CDH18: variants seen among roughly 807,000 people sequenced by gnomAD.
CDH18 encodes cadherin 18.
CDH18 carries 31 observed loss-of-function variants against 67.9 expected under a neutral mutation model. The observed-to-expected ratio is 0.46, with a 90% CI of 0.34 to 0.62. The LOEUF is 0.62. Ranked by LOEUF, CDH18 falls within the 20% of genes least tolerant of loss-of-function variation. CDH18 has a pLI of 0.01. For missense variants in CDH18, 890 were observed against 975.5 expected (o/e 0.91, Z 1.17); for synonymous variants, 362 against 347.2 (o/e 1.04, Z -0.48).
chr5:19,662,839 A>C (rs1400263068), intron 5 of CDH18, among the ~76,000 whole-genome samples: 1 of 152,066 alleles, frequency 6.6e-6, no homozygotes, highest in Non-Finnish European at 1.5e-5. Flanking sequence ...AACAAATAAA[A>C]TACTACGTAC....
At chr5:19,530,215 G>A (rs1400019325) in intron 9 of CDH18, among the ~76,000 whole-genome samples, 1 of 151,992 alleles carries the variant, frequency 6.6e-6, no homozygotes, top group Non-Finnish European at 1.5e-5. Flanking sequence ...TGGATCCATT[G>A]TAAATTCATA....
At chr5:19,666,094 G>A (rs570726627) in intron 5 of CDH18, among the ~76,000 whole-genome samples, 1 of 151,412 alleles carries the variant, frequency 6.6e-6, no homozygotes, top group Admixed American at 6.6e-5. Context: ...TTTTGACACA[G>A]GGTCTTGCTC....
At chr5:19,617,384 A>G (rs533874335) in intron 5 of CDH18, among the ~76,000 whole-genome samples, 1 of 152,272 alleles carries the variant, frequency 6.6e-6, no homozygotes, top group East Asian at 1.9e-4. Flanking sequence ...TGTATCCAGT[A>G]TTTGCAAAAT....
At chr5:20,436,236 C>T (rs183449096) in intron 1 of CDH18, among the ~76,000 whole-genome samples, 98 of 152,008 alleles carry the variant, frequency 6.4e-4, no homozygotes, top group South Asian at 1.7e-3. Flanking sequence ...TTGCCAGAAA[C>T]AGTTGTTGTT....
intron 1 of CDH18, among the ~76,000 whole-genome samples, chr5:20,333,989 G>A (rs1739447085): frequency 6.6e-6 from 1 of 151,972 alleles, no homozygotes; most frequent in South Asian, 2.1e-4. Context: ...AAAGATAAAC[G>A]TTTGGGGTCA....
At chr5:20,318,323 TA>T (rs1275265224) in intron 1 of CDH18, among the ~76,000 whole-genome samples, 1 of 152,118 alleles carries the variant, frequency 6.6e-6, no homozygotes, top group Non-Finnish European at 1.5e-5. Context: ...CACTAGTGTG[TA>T]AAAAAGACTA....
At chr5:19,742,662 G>C (rs1769369348) in intron 4 of CDH18, among the ~76,000 whole-genome samples, 1 of 152,014 alleles carries the variant, frequency 6.6e-6, no homozygotes, top group Non-Finnish European at 1.5e-5. Flanking sequence ...TTTGCTCAAA[G>C]ATAGTGGTCT....
At chr5:19,764,467 C>A (rs1386779936) in intron 3 of CDH18, among the ~76,000 whole-genome samples, 1 of 151,604 alleles carries the variant, frequency 6.6e-6, no homozygotes, top group Non-Finnish European at 1.5e-5. Context: ...ATGTGGTATT[C>A]ATATTTATTA....
intron 1 of CDH18, among the ~76,000 whole-genome samples, chr5:20,474,421 T>G (rs561304491): frequency 1.3e-5 from 2 of 152,292 alleles, no homozygotes; most frequent in African/African-American, 4.8e-5. Context: ...TCCCAGAAGT[T>G]TCCTTCTCCT....
intron 5 of CDH18, among the ~76,000 whole-genome samples, chr5:19,658,124 CT>C (rs948545505): frequency 1.3e-4 from 13 of 96,406 alleles, no homozygotes; most frequent in Non-Finnish European, 2.9e-4. Context: ...AAAGTTATCT[CT>C]TTATTATTGC....
At chr5:19,991,045 A>G (rs75558593), upstream of CDH18, among the ~76,000 whole-genome samples, 2,980 of 152,302 alleles carry the variant, frequency 0.02, 44 homozygotes, top group Middle Eastern at 0.044. Context: ...AGACACATCT[A>G]ACACACGATT....
chr5:19,752,966 C>A (rs192099179), intron 3 of CDH18, among the ~76,000 whole-genome samples: 1 of 152,088 alleles, frequency 6.6e-6, no homozygotes, highest in Non-Finnish European at 1.5e-5. Context: ...GAAGCCACAT[C>A]CATAGGAAAA....
intron 2 of CDH18, among the ~76,000 whole-genome samples, chr5:20,172,214 ATATATATATG>A (rs1255983308): frequency 2.7e-4 from 9 of 32,846 alleles, no homozygotes; most frequent in Non-Finnish European, 4.2e-4. Flanking sequence ...ATATATATAT[ATATATATATG>A]TATATATATA....
intron 5 of CDH18, among the ~76,000 whole-genome samples, chr5:19,716,696 A>G (rs1765382394): frequency 6.6e-6 from 1 of 152,176 alleles, no homozygotes; most frequent in South Asian, 2.1e-4. Context: ...ATCATGTAAC[A>G]CAAAAAATTA....
At chr5:19,863,148 A>G (rs891985216) in intron 2 of CDH18, among the ~76,000 whole-genome samples, 6 of 152,092 alleles carry the variant, frequency 3.9e-5, no homozygotes, top group Admixed American at 6.6e-5. Context: ...TGAGATAATT[A>G]AGGTAGGGAA....
chr5:19,802,649 A>G (rs2149854979), intron 3 of CDH18, among the ~76,000 whole-genome samples: 1 of 152,244 alleles, frequency 6.6e-6, no homozygotes, highest in Admixed American at 6.5e-5. Context: ...TTACTTTTGA[A>G]AAATCAATAC....
chr5:19,803,069 G>A (rs561871028), intron 3 of CDH18, among the ~76,000 whole-genome samples: 3 of 152,270 alleles, frequency 2.0e-5, no homozygotes, highest in African/African-American at 7.2e-5. Context: ...ATTACTCAGA[G>A]CCGGATTCTG....
At chr5:19,482,368 G>A (rs1040581352) in intron 12 of CDH18, among the ~76,000 whole-genome samples, 12 of 151,930 alleles carry the variant, frequency 7.9e-5, no homozygotes, top group African/African-American at 2.4e-4. Flanking sequence ...CGCCCGCCTC[G>A]GCCTCCCAAA....
chr5:20,481,487 A>G (rs1017627885), intron 1 of CDH18, among the ~76,000 whole-genome samples: 8 of 152,252 alleles, frequency 5.3e-5, no homozygotes, highest in African/African-American at 1.9e-4. Context: ...TTTGGAGAAA[A>G]TGTCGTTCGA....
Sources: gnomAD v4.1 joint callset for allele counts (sites outside exome capture counted in the v4.1 genomes callset) on GRCh38, gnomAD v4.1.1 for gene constraint, MANE v1.5 for transcripts, NCBI Gene and HGNC (gene_info 2026-07-23, HGNC 2026-07-21) for gene names.